COLGALT2: variants seen among roughly 807,000 people sequenced by gnomAD.
COLGALT2 encodes collagen beta(1-O)galactosyltransferase 2.
COLGALT2 carries 49 observed loss-of-function variants against 73.4 expected under a neutral mutation model. The observed-to-expected ratio is 0.67, with a 90% confidence interval of 0.53 to 0.85. The LOEUF (loss-of-function observed/expected upper bound fraction) is 0.85, where lower values mean the gene tolerates loss of function less well. Among genes scored for constraint, COLGALT2 ranks in the 40% least tolerant of loss-of-function variants. The pLI, the probability that COLGALT2 is intolerant of heterozygous loss-of-function variation, is 0.00. For missense variants in COLGALT2, 722 were observed against 790.2 expected, an observed-to-expected ratio of 0.91 and a Z score of 1.03; for synonymous variants, 295 against 307.6, an observed-to-expected ratio of 0.96 and a Z score of 0.43.
At chr1:184,028,851 T>C (rs920894890) in intron 1 of COLGALT2, among the ~76,000 whole-genome samples, 1 of 152,230 alleles carries the variant, frequency 6.6e-6, no homozygotes, top group Non-Finnish European at 1.5e-5. Flanking sequence ...TTATTTTGCA[T>C]TATGTTTGCA....
At chr1:184,002,313 C>A (rs1055848304) in intron 1 of COLGALT2, among the ~76,000 whole-genome samples, 2 of 152,152 alleles carry the variant, frequency 1.3e-5, no homozygotes, top group Admixed American at 1.3e-4. Context: ...GGGCTAGACT[C>A]CATGCCAGGA....
rs1353214827 is a variant in COLGALT2 at position 184,006,243 on chromosome 1, A to T, written c.264-27723T>A. The stretch of plus-strand genomic sequence containing the variant: ...AATGCATGGTGAATATTCGGTTCAT[A>T]AATCTTTAACTGCAACTCTGGTTAT... On this transcript the variant is annotated intron_variant, in intron 1 of 11. Coordinates refer to ENST00000361927, the MANE Select transcript of COLGALT2 (RefSeq NM_015101.4). Among the ~76,000 whole-genome samples, 6 of 152,216 alleles carry T rather than the reference A, an allele frequency of 3.9e-5. No individual in the cohort carries two copies. In the East Asian group the frequency reaches 7.7e-4, roughly 20 times the overall value.
chr1:183,965,538 A>G (rs111550981), intron 5 of COLGALT2, among the ~76,000 whole-genome samples: 5 of 152,320 alleles, frequency 3.3e-5, no homozygotes, highest in African/African-American at 1.2e-4. Flanking sequence ...GAAAGATTAT[A>G]AACAACATGA....
rs978312876 is a variant in COLGALT2, at chr1:184,028,479, T to A, written c.263+8616A>T. Among the ~76,000 whole-genome samples the A allele has an allele frequency of 3.3e-5, 5 of 152,288 alleles. No individual in the cohort carries two copies. The South Asian group carries it at 1.0e-3, about 32-fold the overall frequency. Reference sequence around the variant, plus strand: ...AAGAAAAGGGACTGGAAAGAAACAGTCCTACTTCCCTCTTGGCAGCAATTG... The same window carrying A: ...AAGAAAAGGGACTGGAAAGAAACAGACCTACTTCCCTCTTGGCAGCAATTG... On this transcript the variant is annotated intron_variant, in intron 1 of 11. Coordinates refer to ENST00000361927, the MANE Select transcript of COLGALT2 (RefSeq NM_015101.4).
Position 183,936,746 on chromosome 1 carries a change from G to A in COLGALT2, c.*2015C>T. 3 of 1,230,866 alleles carry A rather than the reference G, an allele frequency of 2.4e-6. No homozygotes were observed. The highest frequency in any genetic ancestry group is 3.0e-6 in the Non-Finnish European group (3 of 987,818). 76.2% of individuals were successfully genotyped at this position (1,230,866 alleles called of 1,614,324 possible). On this transcript the variant is annotated 3_prime_UTR_variant, in exon 12 of 12. Coordinates refer to ENST00000361927, the MANE Select transcript of COLGALT2 (RefSeq NM_015101.4). ...CCAGATGCTCTTTCTGTTTTTCTGG[G>A]GGTGGGTGGGAAAGGAAGTCACACT...
chr1:183,936,084 G>T lies in COLGALT2; in HGVS notation c.*2677C>A, dbSNP rs1376874146. 2.0e-6 allele frequency: 2 copies of T among 985,608 alleles called. No homozygotes were observed. Among genetic ancestry groups the T allele is most frequent in the South Asian group, 4.7e-5 (1 of 21,276 alleles). The allele number at this position is 985,608 out of a possible 1,614,324, so 61.1% of individuals were successfully genotyped here. On this transcript the variant is annotated 3_prime_UTR_variant, in exon 12 of 12. Coordinates refer to ENST00000361927, the MANE Select transcript of COLGALT2 (RefSeq NM_015101.4). ...AGCACTGCTGATGTCACGGTTGTCT[G>T]TCCAGAAGATCCCACGTTAGATCCC...
chr1:183,946,629 T>C (rs981356564), intron 8 of COLGALT2: 1 of 152,204 alleles, frequency 6.6e-6, no homozygotes, highest in Admixed American at 6.5e-5. Flanking sequence ...AGATATACCA[T>C]ATAATCAGCA....
intron 1 of COLGALT2, among the ~76,000 whole-genome samples, chr1:184,024,552 A>G (rs191523932): frequency 9.9e-5 from 15 of 150,922 alleles, no homozygotes; most frequent in African/African-American, 3.2e-4. Flanking sequence ...GGGTTTCACC[A>G]TGTTGGTCAG....
intron 1 of COLGALT2, among the ~76,000 whole-genome samples, chr1:183,987,133 G>A (rs1468087833): frequency 6.6e-6 from 1 of 152,204 alleles, no homozygotes; most frequent in African/African-American, 2.4e-5. Flanking sequence ...TTTCCTTGGA[G>A]TCACAACCCT....
intron 1 of COLGALT2, among the ~76,000 whole-genome samples, chr1:183,997,590 A>G (rs1443473514): frequency 6.6e-6 from 1 of 152,172 alleles, no homozygotes; most frequent in Non-Finnish European, 1.5e-5. Flanking sequence ...TGCAAAAACA[A>G]CCTCATAATG....
chr1:183,969,394 T>A lies in COLGALT2; in HGVS notation c.707A>T (p.His236Leu). Reference sequence around the variant, plus strand: ...CCTGAGGTCAATTAGGAAGGTGGAGTGGACCATGGGGACGGGGAAGCAGCC... The same window carrying A: ...CCTGAGGTCAATTAGGAAGGTGGAGAGGACCATGGGGACGGGGAAGCAGCC... ...RTGCFPVPMV[H>L]STFLIDLRKE... Residue 236 changes from histidine (H) to leucine (L), a missense_variant, in exon 5 of 12, where the codon CAC (histidine) becomes CTC (leucine). By Grantham distance (99) the His-to-Leu change is moderately conservative. Coordinates refer to ENST00000361927, the MANE Select transcript of COLGALT2 (RefSeq NM_015101.4). The A allele has an allele frequency of 6.2e-7, 1 of 1,613,724 alleles. No homozygotes were observed. Among genetic ancestry groups the A allele is most frequent in the Non-Finnish European group, 8.5e-7 (1 of 1,179,842 alleles).
At chr1:184,000,858 C>G (rs1671901740) in intron 1 of COLGALT2, among the ~76,000 whole-genome samples, 1 of 127,002 alleles carries the variant, frequency 7.9e-6, no homozygotes, top group Non-Finnish European at 1.6e-5. Context: ...GAGACTGAGT[C>G]TCGCTCTGTC....
chr1:183,962,755 T>C (rs1051014530), intron 6 of COLGALT2, among the ~76,000 whole-genome samples: 4 of 152,208 alleles, frequency 2.6e-5, no homozygotes, highest in Admixed American at 2.6e-4. Flanking sequence ...CAGCAGCCAC[T>C]GCCCATGCAT....
chr1:184,003,021 T>C (rs537288311), intron 1 of COLGALT2, among the ~76,000 whole-genome samples: 2 of 152,236 alleles, frequency 1.3e-5, no homozygotes, highest in Admixed American at 6.5e-5. Context: ...ACAAACTAAA[T>C]ATTCAACAGT....
intron 1 of COLGALT2, among the ~76,000 whole-genome samples, chr1:183,979,535 G>A (rs1194042900): frequency 1.3e-5 from 2 of 152,056 alleles, no homozygotes; most frequent in African/African-American, 4.8e-5. Flanking sequence ...TAGGTTTACA[G>A]GCCATATACT....
intron 6 of COLGALT2, among the ~76,000 whole-genome samples, chr1:183,963,003 C>T (rs1670757916): frequency 6.6e-6 from 1 of 152,212 alleles, no homozygotes. Flanking sequence ...CCGTGCTCTA[C>T]TGATGAATAA....
downstream of COLGALT2, among the ~76,000 whole-genome samples, chr1:183,932,685 G>A (rs1558304255): frequency 6.6e-6 from 1 of 152,166 alleles, no homozygotes; most frequent in Admixed American, 6.5e-5. Flanking sequence ...GCCCGGCGCA[G>A]CCTCCCTGGC....
chr1:183,973,605 A>T lies in COLGALT2; in HGVS notation c.627+11T>A. 6.2e-7 allele frequency: 1 copy of T among 1,613,878 alleles called. No homozygotes were observed. The highest frequency in any genetic ancestry group is 8.5e-7 in the Non-Finnish European group (1 of 1,179,916). On this transcript the variant is annotated intron_variant, in intron 4 of 11. Coordinates refer to ENST00000361927, the MANE Select transcript of COLGALT2 (RefSeq NM_015101.4). ...ACTAGTAGCCTTAATTCATTTAAGC[A>T]AAAGACTTGCCTTAGGGGTGATTCC... is the stretch of plus-strand genomic sequence containing the variant.
At chr1:183,986,657 T>G (rs1926866) in intron 1 of COLGALT2, among the ~76,000 whole-genome samples, 28,734 of 152,174 alleles carry the variant, frequency 0.19, 3,004 homozygotes, top group East Asian at 0.41. Context: ...AGCTATTTTT[T>G]ATACTCATGA....
Sources: allele counts gnomAD v4.1 joint callset (sites outside exome capture counted in the v4.1 genomes callset), GRCh38; gene constraint gnomAD v4.1.1; transcripts MANE v1.5; gene names NCBI Gene and HGNC (gene_info 2026-07-23, HGNC 2026-07-21).